XKRX: variants seen among roughly 807,000 people sequenced by gnomAD.
XKRX encodes the protein XK related X-linked.
A neutral mutation model predicts 22.4 loss-of-function variants in XKRX; 11 were observed. The ratio of observed to expected loss-of-function variants is 0.49; its 90% CI spans 0.31 to 0.81. The LOEUF is 0.81. XKRX is among the 40% of genes least tolerant of loss of function. The pLI is 0.05. For synonymous variants in XKRX, 114 were observed against 132.2 expected, an observed-to-expected ratio of 0.86 and a Z score of 0.94; for missense variants, 320 against 336.5, an observed-to-expected ratio of 0.95 and a Z score of 0.38.
chrX:100,939,436 C>T, the XKRX span, among the ~76,000 whole-genome samples: 179 of 111,851 alleles, frequency 1.6e-3, no homozygotes, highest in African/African-American at 5.4e-3. Context: ...AGGTAGCTAT[C>T]GTGGGTCTTA....
chrX:100,957,905 G>A, the XKRX span, among the ~76,000 whole-genome samples: 2 of 111,471 alleles, frequency 1.8e-5, no homozygotes, highest in Non-Finnish European at 3.8e-5. Flanking sequence ...GTGAAGAGCA[G>A]CACATTCTTA....
At chrX:100,940,227 A>G in the XKRX span, among the ~76,000 whole-genome samples, 1 of 111,899 alleles carries the variant, frequency 8.9e-6, no homozygotes, top group African/African-American at 3.2e-5. Flanking sequence ...AGCTATAATC[A>G]TCTCCAATTT....
the XKRX span, among the ~76,000 whole-genome samples, chrX:100,943,402 G>GA: frequency 1.8e-5 from 2 of 110,587 alleles, no homozygotes; most frequent in South Asian, 7.5e-4. Flanking sequence ...TTTTTGTTTT[G>GA]TTTTGTTTTG....
chrX:100,940,222 T>C, the XKRX span, among the ~76,000 whole-genome samples: 1 of 111,898 alleles, frequency 8.9e-6, no homozygotes, highest in Non-Finnish European at 1.9e-5. Flanking sequence ...TTAGGAGCTA[T>C]AATCATCTCC....
In XKRX at chrX:100,914,589, A is replaced by AT; in HGVS notation, c.1098_1099insA (p.Phe367IlefsTer2). 8.3e-7 allele frequency: 1 copy of AT among 1,211,958 alleles called. No individual in the cohort carries two copies. Among genetic ancestry groups the AT allele is most frequent in the Non-Finnish European group, 1.1e-6 (1 of 895,601 alleles). ...AACACTTTCACTCCAAAGAACTTAA[A>AT]AACCAAGACCATGATCACATTCTCT... On this transcript the variant is annotated frameshift_variant, in exon 3 of 3. Transcript: ENST00000372956. LOFTEE classifies it high-confidence loss of function.
chrX:100,889,174 A>G, the XKRX span, among the ~76,000 whole-genome samples: 1 of 104,083 alleles, frequency 9.6e-6, no homozygotes, highest in South Asian at 4.8e-4. Context: ...CGGGAGGTGG[A>G]GGCTGCAGTG....
the XKRX span, among the ~76,000 whole-genome samples, chrX:100,904,938 T>C: frequency 1.8e-5 from 2 of 111,840 alleles, no homozygotes; most frequent in Middle Eastern, 9.2e-3. Flanking sequence ...CTGGTTTGGA[T>C]AAATATTGGA....
In XKRX at chrX:100,923,023, T is replaced by A; in HGVS notation, c.374A>T (p.Lys125Met). Residue 125 changes from lysine (K) to methionine (M), a missense_variant, in exon 2 of 3, where the codon AAG becomes ATG. By Grantham distance (95) the Lys-to-Met change is moderately conservative. Transcript: ENST00000372956. The stretch of plus-strand genomic sequence containing the variant: ...ATAGGGCTCCTCCTGCTCCTCTTTC[T>A]TCCACAGTGTGAGGTACTTAATCAT... ...EAMIKYLTLWKKEEQEEPYVS... is the reference protein window; with the variant it reads ...EAMIKYLTLWMKEEQEEPYVS... 1 of 1,211,915 alleles carries A rather than the reference T, an allele frequency of 8.3e-7. No homozygotes were observed. The highest frequency in any genetic ancestry group is 1.1e-6 in the Non-Finnish European group (1 of 895,557).
chrX:100,953,464 C>CA, the XKRX span, among the ~76,000 whole-genome samples: 85 of 106,186 alleles, frequency 8.0e-4, no homozygotes, highest in East Asian at 0.023. Flanking sequence ...AAGGCACAAG[C>CA]AAAAAAAAAG....
At chrX:100,889,068 C>G in the XKRX span, among the ~76,000 whole-genome samples, 1 of 108,263 alleles carries the variant, frequency 9.2e-6, no homozygotes, top group African/African-American at 3.4e-5. Flanking sequence ...GGTGAAACCC[C>G]ATCTCTACTA....
the XKRX span, among the ~76,000 whole-genome samples, chrX:100,905,022 T>C: frequency 9.0e-6 from 1 of 111,640 alleles, no homozygotes; most frequent in Non-Finnish European, 1.9e-5. Context: ...CAACAATGAG[T>C]ATAAAATGCT....
In XKRX at chrX:100,928,768, A is replaced by G. The variant is rs2085509577; in HGVS notation, c.-464T>C. ...AGAGTCCTGACCAGTGTGTCCTCTCAAGTCAGCGGAGAGCTGAGCCAGGGC... is the reference window on the plus strand; with the variant it reads ...AGAGTCCTGACCAGTGTGTCCTCTCGAGTCAGCGGAGAGCTGAGCCAGGGC... On this transcript the variant is annotated 5_prime_UTR_variant, in exon 1 of 3. Transcript: ENST00000372956. 1.3e-6 allele frequency: 1 copy of G among 757,481 alleles called. No homozygotes were observed. The highest frequency in any genetic ancestry group is 8.4e-5 in the Admixed American group (1 of 11,939). 62.4% of individuals were successfully genotyped at this position (757,481 alleles called of 1,213,427 possible).
chrX:100,915,211 C>T, intron 2 of XKRX, 128 bp from the exon 3 acceptor site: 1 of 695,963 alleles, frequency 1.4e-6, no homozygotes, highest in Middle Eastern at 4.5e-4. Flanking sequence ...AGAGCAAATG[C>T]AAATATGATC....
At chrX:100,956,370 A>T in the XKRX span, among the ~76,000 whole-genome samples, 4 of 112,105 alleles carry the variant, frequency 3.6e-5, no homozygotes, top group Admixed American at 9.5e-5. Context: ...TAAAAGTTTT[A>T]AAAAATTATG....
At chrX:100,887,898 C>T in the XKRX span, 3 of 1,158,491 alleles carry the variant, frequency 2.6e-6, no homozygotes, top group Non-Finnish European at 2.3e-6. Context: ...TCCACCACCA[C>T]CATGGCTGCC....
intron 2 of XKRX, among the ~76,000 whole-genome samples, chrX:100,917,674 A>AG (rs2085448087): frequency 3.9e-5 from 1 of 25,413 alleles, no homozygotes. Context: ...AGAAAGAAAG[A>AG]AAAGAAAGAA....
At chrX:100,946,756 TC>T in the XKRX span, among the ~76,000 whole-genome samples, 1 of 111,839 alleles carries the variant, frequency 8.9e-6, no homozygotes, top group Admixed American at 9.5e-5. Flanking sequence ...CTCAATTTCT[TC>T]CCTTCCTGTG....
the XKRX span, among the ~76,000 whole-genome samples, chrX:100,959,134 C>T: frequency 9.0e-6 from 1 of 110,881 alleles, no homozygotes; most frequent in Non-Finnish European, 1.9e-5. Flanking sequence ...AGTGAGATAA[C>T]GTAATTATTT....
chrX:100,932,988 G>A (rs1313022266), upstream of XKRX, among the ~76,000 whole-genome samples: 2 of 110,100 alleles, frequency 1.8e-5, no homozygotes, highest in Non-Finnish European at 3.8e-5. Flanking sequence ...AACAAAGTGA[G>A]ACCCTGTCTC....
Sources: gnomAD v4.1 joint callset for allele counts (sites outside exome capture counted in the v4.1 genomes callset) on GRCh38, gnomAD v4.1.1 for gene constraint, MANE v1.5 for transcripts, NCBI Gene and HGNC (gene_info 2026-07-23, HGNC 2026-07-21) for gene names.